The following TPD52 variants were observed in gnomAD, a reference collection of about 807,000 sequenced individuals.
TPD52 encodes prostate and colon associated protein.
TPD52 carries 17 observed loss-of-function variants against 31.3 expected under a neutral mutation model. The observed-to-expected ratio is 0.54, with a 90% CI of 0.37 to 0.82. TPD52 has a LOEUF of 0.82. TPD52 is among the 40% of genes least tolerant of loss of function. The pLI is 0.00. For missense variants in TPD52, 212 were observed against 240.1 expected, an observed-to-expected ratio of 0.88 and a Z score of 0.77; for synonymous variants, 83 against 89.6, an observed-to-expected ratio of 0.93 and a Z score of 0.42.
intron 1 of TPD52, among the ~76,000 whole-genome samples, chr8:80,092,386 C>G (rs954560414): frequency 6.6e-6 from 1 of 152,140 alleles, no homozygotes; most frequent in African/African-American, 2.4e-5. Flanking sequence ...CAATTAAAAA[C>G]AGAATTAACA....
At chr8:80,170,425 A>G (rs2131296237) in intron 1 of TPD52, among the ~76,000 whole-genome samples, 1 of 150,058 alleles carries the variant, frequency 6.7e-6, no homozygotes, top group South Asian at 2.1e-4. Flanking sequence ...AACAAACAAA[A>G]AAAACACCAG....
rs184705810 is a variant in TPD52, at chr8:80,159,540, C to A, written c.19+11885G>T. 2.0e-3 allele frequency among the ~76,000 whole-genome samples: 298 copies of A among 152,318 alleles called. 3 individuals carry two copies. Among genetic ancestry groups the A allele is most frequent in the African/African-American group, 7.0e-3 (289 of 41,572 alleles). ...TCACAGATCAAAATCCCAGACCTGT[C>A]TGCGCCAAGCTGTGTGCCCCTGAAA... On this transcript the variant is annotated intron_variant, in intron 1 of 7. Coordinates refer to ENST00000518937, the MANE Select transcript of TPD52 (RefSeq NM_001025253.3).
intron 1 of TPD52, among the ~76,000 whole-genome samples, chr8:80,092,479 G>A (rs764682488): frequency 3.3e-5 from 5 of 152,116 alleles, no homozygotes; most frequent in Admixed American, 6.5e-5. Context: ...GCACGTGCGC[G>A]TTTATTGAAG....
At chr8:80,069,688 G>C (rs966106585) in intron 1 of TPD52, among the ~76,000 whole-genome samples, 1 of 149,908 alleles carries the variant, frequency 6.7e-6, no homozygotes, top group African/African-American at 2.4e-5. Context: ...TTTTTTTTTA[G>C]TTTAACTATT....
At chr8:80,058,076 C>T (rs911242933) in intron 2 of TPD52, among the ~76,000 whole-genome samples, 3 of 152,052 alleles carry the variant, frequency 2.0e-5, no homozygotes, top group Admixed American at 2.0e-4. Flanking sequence ...GGTGCTATTA[C>T]TATTATTTTT....
chr8:80,107,019 T>C (rs989209076), intron 1 of TPD52, among the ~76,000 whole-genome samples: 7 of 151,738 alleles, frequency 4.6e-5, no homozygotes, highest in Admixed American at 1.3e-4. Context: ...ACCCAGCTAA[T>C]TTTTTGTATT....
chr8:80,132,069 G>A (rs569948892), intron 1 of TPD52, among the ~76,000 whole-genome samples: 10 of 147,380 alleles, frequency 6.8e-5, no homozygotes, highest in Non-Finnish European at 1.0e-4. Context: ...CACTCTTATC[G>A]CCTAGGATAG....
rs1337272376 is a variant in TPD52 at position 80,064,486 on chromosome 8, G to A, written c.127C>T (p.Leu43Phe). 9.3e-6 allele frequency: 15 copies of A among 1,613,604 alleles called. No homozygotes were observed. Among genetic ancestry groups the A allele is most frequent in the East Asian group, 4.5e-5 (2 of 44,872 alleles). Reference protein sequence around the residue: ...EEEQEELRRELAKVEEEIQTL... With the variant: ...EEEQEELRREFAKVEEEIQTL... Reference sequence around the variant, plus strand: ...AAGGAATGGTTCTTTACCTTTGCAAGTTCTCTTCTTAGCTCTTCCTGCTCC... The same window carrying A: ...AAGGAATGGTTCTTTACCTTTGCAAATTCTCTTCTTAGCTCTTCCTGCTCC... The change falls in exon 2 of 8, where the codon CTT (leucine) becomes TTT (phenylalanine). Residue 43 changes from leucine to phenylalanine, a missense_variant. Leu to Phe is a conservative substitution (Grantham distance 22). Transcript: ENST00000518937.
At chr8:80,147,845 C>T (rs1051445264) in intron 1 of TPD52, among the ~76,000 whole-genome samples, 1 of 152,000 alleles carries the variant, frequency 6.6e-6, no homozygotes, top group South Asian at 2.1e-4. Context: ...CACGCACACA[C>T]ACACACACAC....
At chr8:80,094,478 A>ATG (rs1292238941) in intron 1 of TPD52, among the ~76,000 whole-genome samples, 1 of 99,042 alleles carries the variant, frequency 1.0e-5, no homozygotes, top group Non-Finnish European at 2.1e-5. Context: ...ATATATATAT[A>ATG]TATATATGTA....
intron 1 of TPD52, chr8:80,080,657 A>G (rs921773083): frequency 2.8e-5 from 36 of 1,304,670 alleles, no homozygotes; most frequent in Non-Finnish European, 3.5e-5. Context: ...GACCTATTTA[A>G]TAAATGATTT....
In TPD52 at chr8:80,064,499, C is replaced by A; in HGVS notation, c.114G>T (p.Glu38Asp). The change falls in exon 2 of 8, where the codon GAG becomes GAT. Residue 38 changes from glutamate to aspartate, a missense_variant. Coordinates refer to ENST00000518937, the MANE Select transcript of TPD52 (RefSeq NM_001025253.3). ...TETLSEEEQE[E>D]LRRELAKVEE... is the part of the protein sequence containing the mutation. ...TTACCTTTGCAAGTTCTCTTCTTAG[C>A]TCTTCCTGCTCCTCTTCCGAGAGGG... 1 of 1,614,096 alleles carries A rather than the reference C, an allele frequency of 6.2e-7. No individual in the cohort carries two copies. Among genetic ancestry groups the A allele is most frequent in the South Asian group, 1.1e-5 (1 of 91,070 alleles).
chr8:80,077,346 AG>A (rs1206518016), intron 1 of TPD52, among the ~76,000 whole-genome samples: 1 of 152,118 alleles, frequency 6.6e-6, no homozygotes, highest in Non-Finnish European at 1.5e-5. Context: ...ATTATCCTTA[AG>A]GGTGTTCACA....
At chr8:80,115,878 A>T (rs1807829102) in intron 1 of TPD52, among the ~76,000 whole-genome samples, 2 of 152,356 alleles carry the variant, frequency 1.3e-5, no homozygotes, top group South Asian at 4.1e-4. Flanking sequence ...CAAGGTCAAA[A>T]GAAACTATAA....
rs192437723 is a variant in TPD52, at chr8:80,036,956, A to G, written c.*1160T>C. ...ATTAGAATAGAATACCTTGGCCTCT[A>G]TGCAAATATGTCTAGACACTTTGAT... On this transcript the variant is annotated 3_prime_UTR_variant, in exon 8 of 8. Transcript: ENST00000518937. The G allele has an allele frequency of 3.3e-5, 5 of 152,572 alleles. No homozygotes were observed. The highest frequency in any genetic ancestry group is 1.2e-4 in the African/African-American group (5 of 41,580). 9.5% of individuals were successfully genotyped at this position (152,572 alleles called of 1,614,324 possible).
chr8:80,033,368 T>A (rs1295409971), downstream of TPD52: 1 of 152,128 alleles, frequency 6.6e-6, no homozygotes. Flanking sequence ...GTGTTACAGC[T>A]CTTTCAGTCC....
intron 1 of TPD52, among the ~76,000 whole-genome samples, chr8:80,155,851 CTAG>C (rs1211164795): frequency 6.7e-6 from 1 of 148,820 alleles, no homozygotes; most frequent in African/African-American, 2.5e-5. Flanking sequence ...CCATTGCACT[CTAG>C]CCTGGACAAC....
chr8:80,066,073 C>A (rs1166583401), intron 1 of TPD52, among the ~76,000 whole-genome samples: 1 of 152,060 alleles, frequency 6.6e-6, no homozygotes, highest in African/African-American at 2.4e-5. Flanking sequence ...CCAGTTCAGC[C>A]ACAGCAGCAA....
At chr8:80,106,069 A>AT (rs547119805) in intron 1 of TPD52, among the ~76,000 whole-genome samples, 13 of 151,306 alleles carry the variant, frequency 8.6e-5, no homozygotes, top group African/African-American at 2.9e-4. Flanking sequence ...GTAAACATGG[A>AT]TTTTTTTCCT....
Sources: allele counts gnomAD v4.1 joint callset (sites outside exome capture counted in the v4.1 genomes callset), GRCh38; gene constraint gnomAD v4.1.1; transcripts MANE v1.5; gene names NCBI Gene and HGNC (gene_info 2026-07-23, HGNC 2026-07-21).